Variants in COL4A1 observed in about 807,000 individuals in gnomAD.
COL4A1 encodes the protein collagen type IV alpha 1 chain, also known as collagen alpha-1(IV) chain.
A neutral mutation model predicts 216.6 loss-of-function variants in COL4A1; 40 were observed. That is an observed-to-expected ratio of 0.18 (90% CI 0.14 to 0.24). The LOEUF is 0.24. COL4A1 is among the 10% of genes least tolerant of loss of function. The pLI, the probability that COL4A1 is intolerant of heterozygous loss-of-function variation, is 1.00. For missense variants in COL4A1, 1,628 were observed against 2,196.8 expected (o/e 0.74, Z 5.18); for synonymous variants, 839 against 810.7 (o/e 1.03, Z -0.59).
rs188948105 is a variant in COL4A1 at position 110,253,552 on chromosome 13, A to G, written c.85-10818T>C. Among the ~76,000 whole-genome samples, 249 of 140,784 alleles carry G rather than the reference A, an allele frequency of 1.8e-3. 2 individuals are homozygous for G. Among genetic ancestry groups the G allele is most frequent in the Middle Eastern group, 6.6e-3 (1 of 152 alleles). The allele number at this position is 140,784 out of a possible 152,430, so 92.4% of individuals were successfully genotyped here. A position where few individuals can be genotyped will look rare whatever the true frequency, so the allele number is the denominator to read the frequency against. On this transcript the variant is annotated intron_variant, in intron 1 of 51. Transcript: ENST00000375820. ...TTATAAGTATATATGTATTACATAT[A>G]CATATAATTATACGTATGTATGTAT...
intron 2 of COL4A1, among the ~76,000 whole-genome samples, chr13:110,229,620 A>G (rs1880916003): frequency 1.3e-5 from 2 of 152,182 alleles, no homozygotes; most frequent in Admixed American, 6.5e-5. Context: ...TTGGGAAGTG[A>G]TGAGGCTCAT....
Position 110,164,859 on chromosome 13 carries a change from C to T in COL4A1, c.4150+3G>A, listed in dbSNP as rs545498227. 5.3e-5 allele frequency: 85 copies of T among 1,612,882 alleles called. No individual in the cohort carries two copies. The highest frequency in any genetic ancestry group is 1.4e-4 in the South Asian group (13 of 90,644). ...CCGCCCTGCACAGGCCAAGCCTTCT[C>T]ACCTTGCTGGCCTTTCGGGCCTGGC... On this transcript the variant is annotated splice_donor_region_variant and intron_variant, in intron 46 of 51. Transcript: ENST00000375820.
intron 33 of COL4A1, 115 bp from the exon 34 acceptor site, chr13:110,177,152 A>C: frequency 1.3e-6 from 2 of 1,535,232 alleles, no homozygotes; most frequent in Admixed American, 3.8e-5. Context: ...CAAAGCACTC[A>C]TAACTTGTCC....
chr13:110,263,213 T>C (rs1882896680), intron 1 of COL4A1, among the ~76,000 whole-genome samples: 1 of 152,194 alleles, frequency 6.6e-6, no homozygotes, highest in South Asian at 2.1e-4. Flanking sequence ...TGCAGTGAAT[T>C]CACGACGGCC....
intron 36 of COL4A1, among the ~76,000 whole-genome samples, chr13:110,175,687 A>G (rs1463125659): frequency 6.6e-6 from 1 of 152,214 alleles, no homozygotes; most frequent in Non-Finnish European, 1.5e-5. Flanking sequence ...TATGTTCTTT[A>G]TTATACAGCC....
chr13:110,206,639 A>C, intron 15 of COL4A1, 26 bp downstream of exon 15: 1 of 1,613,322 alleles, frequency 6.2e-7, no homozygotes, highest in African/African-American at 1.3e-5. Context: ...TTGTTTTATG[A>C]TAAAAGGACT....
chr13:110,162,198 T>C, intron 48 of COL4A1, 32 bp downstream of exon 48: 1 of 1,591,742 alleles, frequency 6.3e-7, no homozygotes, highest in Non-Finnish European at 8.6e-7. Context: ...ACACCTACAC[T>C]GAATGAATGC....
intron 1 of COL4A1, among the ~76,000 whole-genome samples, chr13:110,292,489 T>C (rs1378897785): frequency 6.6e-6 from 1 of 152,226 alleles, no homozygotes; most frequent in Non-Finnish European, 1.5e-5. Flanking sequence ...ATAACTGCTA[T>C]AAAGATACTC....
intron 2 of COL4A1, among the ~76,000 whole-genome samples, chr13:110,240,631 T>C (rs1394062257): frequency 6.6e-6 from 1 of 152,242 alleles, no homozygotes; most frequent in Non-Finnish European, 1.5e-5. Flanking sequence ...AGATGAAATG[T>C]TGGCGGCCCC....
chr13:110,261,035 TCAA>T (rs1472249589), intron 1 of COL4A1, among the ~76,000 whole-genome samples: 18 of 42,182 alleles, frequency 4.3e-4, no homozygotes, highest in African/African-American at 1.0e-3. Flanking sequence ...AGACTCCGTC[TCAA>T]AAAAAAAAAA....
intron 20 of COL4A1, among the ~76,000 whole-genome samples, chr13:110,200,580 G>A (rs1029250007): frequency 6.6e-6 from 1 of 152,150 alleles, no homozygotes; most frequent in Admixed American, 6.5e-5. Flanking sequence ...TGGCTCTGGT[G>A]GGGTTACATC....
chr13:110,240,003 T>C (rs1287241341), intron 2 of COL4A1, among the ~76,000 whole-genome samples: 1 of 152,142 alleles, frequency 6.6e-6, no homozygotes, highest in African/African-American at 2.4e-5. Context: ...GGACCTGAAA[T>C]GTTTATGCTC....
intron 1 of COL4A1, among the ~76,000 whole-genome samples, chr13:110,276,774 C>A (rs1331790931): frequency 6.6e-6 from 1 of 152,222 alleles, no homozygotes; most frequent in African/African-American, 2.4e-5. Context: ...GTAATCCATA[C>A]AACACAGTTC....
chr13:110,273,730 A>G (rs900297899), intron 1 of COL4A1, among the ~76,000 whole-genome samples: 7 of 152,214 alleles, frequency 4.6e-5, no homozygotes, highest in African/African-American at 1.7e-4. Flanking sequence ...CTGAGGTTAG[A>G]AGGGTCATTC....
At chr13:110,206,824 G>A (rs1879538940) in intron 14 of COL4A1, 41 bp downstream of exon 14, 1 of 1,613,018 alleles carries the variant, frequency 6.2e-7, no homozygotes, top group Admixed American at 1.7e-5. Flanking sequence ...AATCTTTATG[G>A]TCTTTGACCT....
chr13:110,222,430 T>C (rs1880530533), intron 2 of COL4A1, among the ~76,000 whole-genome samples: 1 of 152,104 alleles, frequency 6.6e-6, no homozygotes, highest in Non-Finnish European at 1.5e-5. Flanking sequence ...TCTGGGACTA[T>C]ACATTTTCCC....
intron 18 of COL4A1, among the ~76,000 whole-genome samples, chr13:110,201,926 G>A (rs1879269171): frequency 6.6e-6 from 1 of 152,212 alleles, no homozygotes; most frequent in African/African-American, 2.4e-5. Context: ...AGGTTGCATT[G>A]AGCTGAGATG....
chr13:110,160,518 G>A (rs896098971), intron 49 of COL4A1, among the ~76,000 whole-genome samples: 2 of 152,140 alleles, frequency 1.3e-5, no homozygotes, highest in Non-Finnish European at 2.9e-5. Flanking sequence ...GGCTCCTTGG[G>A]GAAGCTGTTA....
Position 110,211,668 on chromosome 13 carries a change from T to G in COL4A1, c.447A>C (p.Pro149=). Residue 149 remains proline, a synonymous_variant, in exon 8 of 52, where the codon CCA becomes CCC. Transcript: ENST00000375820. The surrounding 1 kb of genome is among the most constrained non-coding windows in gnomAD (Gnocchi z 4.3). ...GTACCTTCATCCCTGGTAAGCCTGG[T>G]GGTCCCTAAAAAAGAAAGTTTTGGT... is the stretch of plus-strand genomic sequence containing the variant. ...GLPGFAGNPG[P]PGLPGMKGDP... 1 of 1,611,656 alleles carries G rather than the reference T, an allele frequency of 6.2e-7. No individual in the cohort carries two copies. Among genetic ancestry groups the G allele is most frequent in the African/African-American group, 1.3e-5 (1 of 74,984 alleles).
Sources: gnomAD v4.1 joint callset for allele counts (sites outside exome capture counted in the v4.1 genomes callset) on GRCh38, gnomAD v4.1.1 for gene constraint, Gnocchi (gnomAD v3.1) non-coding constraint, MANE v1.5 for transcripts, NCBI Gene and HGNC (gene_info 2026-07-23, HGNC 2026-07-21) for gene names.